A2ML1: variants seen among roughly 807,000 people sequenced by gnomAD.
A2ML1 encodes alpha-2-macroglobulin like 1.
Under a neutral mutation model 181.9 loss-of-function variants are expected in A2ML1, and 161 were observed. That is an observed-to-expected ratio of 0.89 (90% CI 0.78 to 1.01). The LOEUF (loss-of-function observed/expected upper bound fraction) is 1.01. A2ML1 is among the 50% of genes least tolerant of loss of function. The probability of loss-of-function intolerance (pLI) is 0.00; values close to 1 mark genes in which losing one functional copy is unlikely to be tolerated. For missense variants in A2ML1, 1,670 were observed against 1,768.1 expected, an observed-to-expected ratio of 0.94 and a Z score of 1.00; for synonymous variants, 663 against 666.8, an observed-to-expected ratio of 0.99 and a Z score of 0.09.
At position 8,854,201 on chromosome 12, in the gene A2ML1, T is replaced by TC; in HGVS notation, c.2668dup (p.Gln890ProfsTer6). The TC allele has an allele frequency of 6.2e-7, 1 of 1,609,834 alleles. No homozygotes were observed. Among genetic ancestry groups the TC allele is most frequent in the Non-Finnish European group, 8.5e-7 (1 of 1,177,868 alleles). On this transcript the variant is annotated frameshift_variant, in exon 21 of 36. Coordinates refer to ENST00000299698, the MANE Select transcript of A2ML1 (RefSeq NM_144670.6). LOFTEE classifies it high-confidence loss of function. ...CATGTGGGGGCCAGAAGGGGTTTGT[T>TC]CCCCAAAAGGGCCGAAGTGACACGC... is the stretch of plus-strand genomic sequence containing the variant.
In A2ML1 at chr12:8,868,617, C is replaced by T. The variant is rs1353787643; in HGVS notation, c.4142C>T (p.Thr1381Ile). 12 of 1,613,600 alleles carry T rather than the reference C, an allele frequency of 7.4e-6. No homozygotes were observed. The highest frequency in any genetic ancestry group is 1.7e-4 in the Middle Eastern group (1 of 6,054). ...MLSGFSPMEG[T>I]NQLLLQQPLV... ...TCTGGGTTCAGTCCCATGGAGGGCA[C>T]CAATCAGTTAGTAAGTTACTTCTGT... The change falls in exon 32 of 36, where the codon ACC (threonine) becomes ATC (isoleucine). Residue 1381 changes from threonine to isoleucine, a missense_variant. Physicochemically the swap from Thr to Ile is moderately conservative, Grantham distance 89 (BLOSUM62 -1). Transcript: ENST00000299698.
intron 8 of A2ML1, among the ~76,000 whole-genome samples, chr12:8,838,089 C>T (rs1237785883): frequency 2.0e-5 from 3 of 152,062 alleles, no homozygotes; most frequent in African/African-American, 7.2e-5. Flanking sequence ...TGACCTAAAC[C>T]CCAGTAAGGT....
intron 23 of A2ML1, among the ~76,000 whole-genome samples, chr12:8,856,560 T>C (rs1944069414): frequency 6.6e-6 from 1 of 152,110 alleles, no homozygotes. Context: ...CAGAACTGTG[T>C]TTTAGAGAAA....
chr12:8,860,646 T>C (rs756103643), intron 26 of A2ML1, among the ~76,000 whole-genome samples: 6 of 152,202 alleles, frequency 3.9e-5, no homozygotes, highest in Non-Finnish European at 8.8e-5. Flanking sequence ...GAAGTCCACA[T>C]GCTGCCTCCT....
intron 8 of A2ML1, 148 bp downstream of exon 8, chr12:8,837,714 T>A: frequency 1.1e-6 from 1 of 870,362 alleles, no homozygotes; most frequent in African/African-American, 1.8e-5. Context: ...ACCCCGTCTC[T>A]ATTAAAAATT....
Position 8,823,749 on chromosome 12 carries a change from A to G in A2ML1, c.276A>G (p.Glu92=), listed in dbSNP as rs1440241117. Residue 92 remains glutamate (E), a synonymous_variant, in exon 3 of 36, where the codon GAA becomes GAG. Transcript: ENST00000299698. The stretch of plus-strand genomic sequence containing the variant: ...CACCTCCTGCTGGTGGCACAGAAGA[A>G]GTGGCCACAATCCGGGTGTCGGGAG... ...LVPPPAGGTE[E]VATIRVSGVG... is the part of the protein sequence containing the mutation. 1 of 1,613,504 alleles carries G rather than the reference A, an allele frequency of 6.2e-7. No homozygotes were observed. Among genetic ancestry groups the G allele is most frequent in the Middle Eastern group, 1.6e-4 (1 of 6,080 alleles).
chr12:8,834,791 C>T, intron 5 of A2ML1, 109 bp downstream of exon 5: 1 of 1,392,218 alleles, frequency 7.2e-7, no homozygotes. Flanking sequence ...GCCCAGAGCC[C>T]CATGACTCTG....
chr12:8,863,030 A>T (rs1488708200), intron 28 of A2ML1, among the ~76,000 whole-genome samples: 3 of 151,910 alleles, frequency 2.0e-5, no homozygotes, highest in Non-Finnish European at 4.4e-5. Flanking sequence ...AGTTGGCCTC[A>T]TTAGCATTTC....
downstream of A2ML1, among the ~76,000 whole-genome samples, chr12:8,881,200 A>C (rs2137012082): frequency 6.6e-6 from 1 of 152,290 alleles, no homozygotes; most frequent in Admixed American, 6.5e-5. Context: ...CCGAGAAAAG[A>C]CAGATGAAAG....
chr12:8,841,845 T>A (rs1399696985), intron 11 of A2ML1, among the ~76,000 whole-genome samples: 1 of 152,168 alleles, frequency 6.6e-6, no homozygotes, highest in Non-Finnish European at 1.5e-5. Flanking sequence ...CAGAGTCTTT[T>A]TCTTTCTCTT....
intron 11 of A2ML1, among the ~76,000 whole-genome samples, chr12:8,842,213 G>GT (rs1943502941): frequency 6.7e-6 from 1 of 149,778 alleles, no homozygotes; most frequent in East Asian, 1.9e-4. Context: ...TATTGCATAT[G>GT]TTTTTTTCTT....
rs894891157 is a variant in A2ML1, at chr12:8,876,349, C to T, written c.*293C>T. ...TTCAGGGGGCTCTCCAGAGAGGAGA[C>T]GGTGGTAGAGGGTGAACTAGAGAAG... is the stretch of plus-strand genomic sequence containing the variant. On this transcript the variant is annotated 3_prime_UTR_variant, in exon 36 of 36. Coordinates refer to ENST00000299698, the MANE Select transcript of A2ML1 (RefSeq NM_144670.6). The T allele has an allele frequency of 1.3e-5, 2 of 152,094 alleles. No homozygotes were observed. The highest frequency in any genetic ancestry group is 4.8e-5 in the African/African-American group (2 of 41,420). 9.4% of individuals were successfully genotyped at this position (152,094 alleles called of 1,614,324 possible).
chr12:8,857,279 G>A lies in A2ML1; in HGVS notation c.2964G>A (p.Leu988=). ...CCATCATCTATGTCTTGCAGTACCT[G>A]GAGAAGGCAGGGCTGCTGACGGAGG... The part of the protein sequence containing the change: ...FAPIIYVLQY[L]EKAGLLTEEI... The change falls in exon 24 of 36, where the codon CTG becomes CTA. Residue 988 remains leucine, a synonymous_variant. Transcript: ENST00000299698. The A allele has an allele frequency of 6.2e-7, 1 of 1,613,906 alleles. No individual in the cohort carries two copies. Among genetic ancestry groups the A allele is most frequent in the South Asian group, 1.1e-5 (1 of 91,074 alleles).
chr12:8,884,914 A>C (rs1350547473), intron 7 of A2ML1, among the ~76,000 whole-genome samples: 1 of 152,170 alleles, frequency 6.6e-6, no homozygotes, highest in African/African-American at 2.4e-5. Context: ...TTCTTTATCC[A>C]ATCTCTCATT....
intron 12 of A2ML1, chr12:8,845,164 A>C: frequency 6.7e-7 from 1 of 1,503,562 alleles, no homozygotes; most frequent in Non-Finnish European, 8.8e-7. Flanking sequence ...AATGGCAGAC[A>C]GTTATCTATG....
Position 8,850,063 on chromosome 12 carries a change from C to A in A2ML1, c.2120-97C>A, listed in dbSNP as rs761726282. 2.7e-5 allele frequency: 25 copies of A among 922,132 alleles called. No individual in the cohort carries two copies. In the East Asian group the frequency reaches 5.0e-4, roughly 18 times the overall value. 57.1% of individuals were successfully genotyped at this position (922,132 alleles called of 1,614,324 possible). A position where few individuals can be genotyped will look rare whatever the true frequency, so the allele number is the denominator to read the frequency against. On this transcript the variant is annotated intron_variant, in intron 17 of 35. Coordinates refer to ENST00000299698, the MANE Select transcript of A2ML1 (RefSeq NM_144670.6). Reference sequence around the variant, plus strand: ...GCCTCTGACTGGATGTTCTCTGCTTCCCTCTAAATTTCTTTCTAGTAATCC... The same window carrying A: ...GCCTCTGACTGGATGTTCTCTGCTTACCTCTAAATTTCTTTCTAGTAATCC...
Position 8,822,666 on chromosome 12 carries a change from CCTT to C in A2ML1, c.18_20del (p.Leu7del). On this transcript the variant is annotated inframe_deletion, in exon 1 of 36. Transcript: ENST00000299698. Reference sequence around the variant, plus strand: ...CACCCACAAAGATGTGGGCTCAGCTCCTTCTAGGAATGTTGGCCCTATCACCAG... The same window carrying C: ...CACCCACAAAGATGTGGGCTCAGCTCCTAGGAATGTTGGCCCTATCACCAG... 1 of 1,614,112 alleles carries C rather than the reference CCTT, an allele frequency of 6.2e-7. No homozygotes were observed. Among genetic ancestry groups the C allele is most frequent in the Non-Finnish European group, 8.5e-7 (1 of 1,179,956 alleles).
chr12:8,844,301 C>T (rs1364856310), intron 12 of A2ML1, among the ~76,000 whole-genome samples: 1 of 149,252 alleles, frequency 6.7e-6, no homozygotes, highest in African/African-American at 2.5e-5. Flanking sequence ...AGGGTTTCGC[C>T]ATGTTGGCCA....
chr12:8,843,628 C>T (rs186957678), intron 12 of A2ML1, among the ~76,000 whole-genome samples: 144 of 152,056 alleles, frequency 9.5e-4, no homozygotes, highest in African/African-American at 3.2e-3. Context: ...CTTGTTTCAA[C>T]GGTGTCTTTG....
Sources: gnomAD v4.1 joint callset for allele counts (sites outside exome capture counted in the v4.1 genomes callset) on GRCh38, gnomAD v4.1.1 for gene constraint, MANE v1.5 for transcripts, NCBI Gene and HGNC (gene_info 2026-07-23, HGNC 2026-07-21) for gene names.